Variants in PCMT1 observed in about 807,000 individuals in gnomAD.
PCMT1 encodes protein-L-isoaspartate(D-aspartate) O-methyltransferase.
PCMT1 carries 9 observed loss-of-function variants against 29.2 expected under a neutral mutation model. That is an observed-to-expected ratio of 0.31 (90% CI 0.19 to 0.54). The LOEUF (loss-of-function observed/expected upper bound fraction) is 0.54, where lower values mean the gene tolerates loss of function less well. Ranked by LOEUF, PCMT1 falls within the 20% of genes least tolerant of loss-of-function variation. The pLI, the probability that PCMT1 is intolerant of heterozygous loss-of-function variation, is 0.95. For synonymous variants in PCMT1, 98 were observed against 97.5 expected (o/e 1.00, Z -0.03); for missense variants, 184 against 282.2 (o/e 0.65, Z 2.49).
chr6:149,784,300 A>T (rs1787934019), intron 3 of PCMT1, among the ~76,000 whole-genome samples: 1 of 152,164 alleles, frequency 6.6e-6, no homozygotes, highest in Admixed American at 6.5e-5. Context: ...TTCTTTTTTT[A>T]AGCTCCCAAG....
At chr6:149,782,391 A>G (rs1787850132) in intron 3 of PCMT1, among the ~76,000 whole-genome samples, 1 of 152,208 alleles carries the variant, frequency 6.6e-6, no homozygotes, top group South Asian at 2.1e-4. Flanking sequence ...GGAATTAACT[A>G]TAATCCTGGA....
At chr6:149,766,774 G>A (rs1340160406) in intron 1 of PCMT1, among the ~76,000 whole-genome samples, 1 of 152,116 alleles carries the variant, frequency 6.6e-6, no homozygotes, top group Non-Finnish European at 1.5e-5. Flanking sequence ...GTGTCTCTTT[G>A]TAATTAATCT....
At chr6:149,795,244 G>T in intron 5 of PCMT1, 1 of 396,646 alleles carries the variant, frequency 2.5e-6, no homozygotes. Context: ...GCGCCATGTT[G>T]CATGAGAAAA....
At chr6:149,764,819 A>T (rs1787003287) in intron 1 of PCMT1, among the ~76,000 whole-genome samples, 1 of 152,008 alleles carries the variant, frequency 6.6e-6, no homozygotes, top group African/African-American at 2.4e-5. Flanking sequence ...AGGCGGGTAG[A>T]TCACGAGATC....
At chr6:149,793,167 A>ATC (rs1361668322) in intron 4 of PCMT1, among the ~76,000 whole-genome samples, 7 of 151,806 alleles carry the variant, frequency 4.6e-5, no homozygotes, top group Non-Finnish European at 8.8e-5. Context: ...TCTCTCAAAA[A>ATC]AAAAAAAAAA....
chr6:149,797,997 C>G (rs1788683408), intron 6 of PCMT1: 1 of 152,040 alleles, frequency 6.6e-6, no homozygotes, highest in South Asian at 2.1e-4. Flanking sequence ...AAAACTCCAT[C>G]TCTACAAAAA....
intron 1 of PCMT1, among the ~76,000 whole-genome samples, chr6:149,751,810 T>A (rs955274147): frequency 1.3e-5 from 2 of 151,870 alleles, no homozygotes; most frequent in African/African-American, 4.8e-5. Context: ...TTTTGGATTT[T>A]TTTTTGGTGG....
At chr6:149,760,641 C>T (rs2115211838) in intron 1 of PCMT1, among the ~76,000 whole-genome samples, 1 of 152,216 alleles carries the variant, frequency 6.6e-6, no homozygotes, top group Non-Finnish European at 1.5e-5. Flanking sequence ...ATCACGAGGT[C>T]AGGAGATCGA....
Position 149,749,957 on chromosome 6 carries a change from G to GT in PCMT1, c.55+2dup, listed in dbSNP as rs1445593224. On this transcript the variant is annotated splice_donor_variant, in intron 1 of 7. Transcript: ENST00000464889. LOFTEE classifies it high-confidence loss of function. ...TCGGAGCTAATCCACAATCTCCGCA[G>GT]TAAGTGCCACCTCCGCCCGTTGTAG... is the stretch of plus-strand genomic sequence containing the variant. 1.2e-6 allele frequency: 2 copies of GT among 1,609,904 alleles called. No homozygotes were observed. Among genetic ancestry groups the GT allele is most frequent in the Admixed American group, 3.4e-5 (2 of 59,536 alleles).
intron 1 of PCMT1, among the ~76,000 whole-genome samples, chr6:149,754,803 A>G (rs1345299842): frequency 6.6e-6 from 1 of 152,128 alleles, no homozygotes; most frequent in African/African-American, 2.4e-5. Flanking sequence ...CCCGTTTGTC[A>G]CTTAGTAGCC....
chr6:149,793,853 G>A (rs1788487145), intron 5 of PCMT1, among the ~76,000 whole-genome samples, 184 bp downstream of exon 5: 1 of 152,118 alleles, frequency 6.6e-6, no homozygotes, highest in South Asian at 2.1e-4. Flanking sequence ...CTCTTTGTGA[G>A]TTTAATTTTG....
At chr6:149,763,714 A>G (rs4869966) in intron 1 of PCMT1, among the ~76,000 whole-genome samples, 81,076 of 151,990 alleles carry the variant, frequency 0.53, 24,814 homozygotes, top group East Asian at 0.83. Context: ...ATCCATCTAG[A>G]GAAGAATGAA....
intron 3 of PCMT1, among the ~76,000 whole-genome samples, chr6:149,774,197 G>A (rs1182517594): frequency 1.3e-5 from 2 of 150,376 alleles, no homozygotes; most frequent in Admixed American, 6.6e-5. Context: ...GAGTACTTTT[G>A]TTTTATTTTG....
chr6:149,779,137 G>A (rs540421780), intron 3 of PCMT1, among the ~76,000 whole-genome samples: 8 of 152,134 alleles, frequency 5.3e-5, no homozygotes, highest in South Asian at 2.1e-4. Flanking sequence ...GTGTTCCATC[G>A]TTTTACATTC....
intron 6 of PCMT1, among the ~76,000 whole-genome samples, chr6:149,801,203 C>T (rs984420198): frequency 1.3e-5 from 2 of 152,044 alleles, no homozygotes; most frequent in Non-Finnish European, 2.9e-5. Context: ...GGGAATGGGA[C>T]CAAGTCTAAA....
At chr6:149,783,633 C>T (rs1787904388) in intron 3 of PCMT1, among the ~76,000 whole-genome samples, 1 of 151,990 alleles carries the variant, frequency 6.6e-6, no homozygotes, top group Admixed American at 6.6e-5. Context: ...TGAATCTAAC[C>T]CTGAGGAAGC....
intron 3 of PCMT1, among the ~76,000 whole-genome samples, chr6:149,785,239 A>G (rs1296738124): frequency 8.8e-5 from 9 of 102,296 alleles, no homozygotes; most frequent in Middle Eastern, 4.3e-3. Flanking sequence ...CAGGAGGTCC[A>G]TAATGTCTGG....
intron 1 of PCMT1, among the ~76,000 whole-genome samples, chr6:149,758,200 C>CTTTTTTT (rs1786589755): frequency 1.5e-5 from 1 of 67,890 alleles, no homozygotes. Flanking sequence ...TTTTTTCTTT[C>CTTTTTTT]TTTCTTTCTT....
chr6:149,784,608 G>GA (rs1223607334), intron 3 of PCMT1, among the ~76,000 whole-genome samples: 2 of 151,862 alleles, frequency 1.3e-5, no homozygotes, highest in Non-Finnish European at 2.9e-5. Context: ...GGGACTACAG[G>GA]TGTGCACCAC....
Sources: gnomAD v4.1 joint callset for allele counts (sites outside exome capture counted in the v4.1 genomes callset) on GRCh38, gnomAD v4.1.1 for gene constraint, MANE v1.5 for transcripts, NCBI Gene and HGNC (gene_info 2026-07-23, HGNC 2026-07-21) for gene names.